NTAQ1: variants seen among roughly 807,000 people sequenced by gnomAD.
NTAQ1 encodes the protein N-terminal glutamine amidase 1.
A neutral mutation model predicts 28.2 loss-of-function variants in NTAQ1; 21 were observed. The observed-to-expected ratio is 0.74, with a 90% CI of 0.53 to 1.07. The LOEUF is 1.07. NTAQ1 is among the 50% of genes least tolerant of loss of function. The pLI, the probability that NTAQ1 is intolerant of heterozygous loss-of-function variation, is 0.00. For missense variants in NTAQ1, 264 were observed against 256.6 expected, an observed-to-expected ratio of 1.03 and a Z score of -0.20; for synonymous variants, 105 against 90.0, an observed-to-expected ratio of 1.17 and a Z score of -0.94.
intron 1 of NTAQ1, among the ~76,000 whole-genome samples, chr8:123,421,499 A>G (rs1439005757): frequency 6.9e-6 from 1 of 145,618 alleles, no homozygotes; most frequent in Non-Finnish European, 1.5e-5. Flanking sequence ...GGCCATGTGC[A>G]TGTCTCTTTT....
chr8:123,474,754 G>A (rs920979000), downstream of NTAQ1, among the ~76,000 whole-genome samples: 1 of 152,134 alleles, frequency 6.6e-6, no homozygotes, highest in Admixed American at 6.5e-5. Flanking sequence ...AAAAGTGGTG[G>A]TGTGCGCCTA....
chr8:123,447,072 A>G (rs1218001131), downstream of NTAQ1, among the ~76,000 whole-genome samples: 1 of 152,016 alleles, frequency 6.6e-6, no homozygotes, highest in Non-Finnish European at 1.5e-5. Flanking sequence ...AATAACCTTC[A>G]TTATCAGAAA....
At chr8:123,434,679 A>G (rs914772620) in intron 3 of NTAQ1, among the ~76,000 whole-genome samples, 2 of 152,114 alleles carry the variant, frequency 1.3e-5, no homozygotes, top group Non-Finnish European at 2.9e-5. Flanking sequence ...TAAGAGAGAA[A>G]CAGAATTTGG....
At chr8:123,450,822 C>G (rs973307749), downstream of NTAQ1, among the ~76,000 whole-genome samples, 2 of 152,198 alleles carry the variant, frequency 1.3e-5, no homozygotes, top group African/African-American at 2.4e-5. Context: ...ACAAAGCAGC[C>G]AAAGTGATCT....
chr8:123,438,444 T>C (rs983799735), intron 5 of NTAQ1, among the ~76,000 whole-genome samples: 1 of 151,716 alleles, frequency 6.6e-6, no homozygotes, highest in African/African-American at 2.4e-5. Flanking sequence ...CCACCTGAGG[T>C]CAGGAGTTCG....
At chr8:123,470,160 G>A (rs1276134189), downstream of NTAQ1, among the ~76,000 whole-genome samples, 1 of 152,196 alleles carries the variant, frequency 6.6e-6, no homozygotes, top group African/African-American at 2.4e-5. Context: ...TCCTCACTAG[G>A]AACTGAAGCC....
intron 6 of NTAQ1, among the ~76,000 whole-genome samples, chr8:123,447,526 C>T (rs1340290430): frequency 6.6e-6 from 1 of 151,872 alleles, no homozygotes; most frequent in Non-Finnish European, 1.5e-5. Flanking sequence ...ATTTTTAATC[C>T]CTATTTTACA....
intron 1 of NTAQ1, among the ~76,000 whole-genome samples, chr8:123,427,318 C>A (rs1362732475): frequency 8.5e-6 from 1 of 117,296 alleles, no homozygotes; most frequent in African/African-American, 3.3e-5. Context: ...GTGGTGTGAT[C>A]TTTGGCTCAC....
intron 3 of NTAQ1, 141 bp downstream of exon 3, chr8:123,430,174 G>T: frequency 2.0e-6 from 1 of 506,192 alleles, no homozygotes; most frequent in South Asian, 4.6e-5. Flanking sequence ...TTTGAGAATA[G>T]ATGTTATTTG....
downstream of NTAQ1, among the ~76,000 whole-genome samples, chr8:123,443,896 A>C (rs138862986): frequency 6.6e-6 from 1 of 152,140 alleles, no homozygotes. Context: ...TCTATGAGCC[A>C]GTGGATTCCT....
chr8:123,440,985 T>G (rs1051755419), intron 5 of NTAQ1, among the ~76,000 whole-genome samples: 2 of 152,162 alleles, frequency 1.3e-5, no homozygotes, highest in African/African-American at 4.8e-5. Context: ...CTTCTTTCCC[T>G]GGCCTCATGA....
At chr8:123,417,468 G>GGGCT (rs934033436) in intron 1 of NTAQ1, among the ~76,000 whole-genome samples, 16 of 152,112 alleles carry the variant, frequency 1.1e-4, no homozygotes, top group Non-Finnish European at 2.1e-4. Context: ...GAAGCACAGA[G>GGGCT]GGCTGCAAGT....
In NTAQ1 at chr8:123,437,228, T is replaced by G. The variant is rs373657547; in HGVS notation, c.402T>G (p.Arg134=). ...PQFRRKFRVI[R]ADSYLKNFAS... ...TCTGCAGGAAATTTAGAGTGATCCG[T>G]GCAGATTCATATTTGAAGAACTTTG... is the stretch of plus-strand genomic sequence containing the variant. Residue 134 remains arginine (R), a synonymous_variant, in exon 5 of 6, where the codon CGT becomes CGG. Transcript: ENST00000287387. 1.6e-5 allele frequency: 26 copies of G among 1,613,964 alleles called. No homozygotes were observed. Among genetic ancestry groups the G allele is most frequent in the Non-Finnish European group, 2.2e-5 (26 of 1,179,994 alleles).
At position 123,424,489 on chromosome 8, in the gene NTAQ1, G is replaced by T. The variant is rs956775351; in HGVS notation, c.84-3435G>T. Among the ~76,000 whole-genome samples, 4 of 152,146 alleles carry T rather than the reference G, an allele frequency of 2.6e-5. No homozygotes were observed. The Middle Eastern group carries it at 0.01, about 388-fold the overall frequency. ...GAACGCCTGACCTCATGATCCACCC[G>T]CTTCGGCCTCCCAGAGTGCTGGGAT... is the stretch of plus-strand genomic sequence containing the variant. On this transcript the variant is annotated intron_variant, in intron 1 of 5. Coordinates refer to ENST00000287387, the MANE Select transcript of NTAQ1 (RefSeq NM_018024.3).
At chr8:123,448,107 A>G (rs756756383), downstream of NTAQ1, 2 of 152,264 alleles carry the variant, frequency 1.3e-5, no homozygotes, top group Non-Finnish European at 2.9e-5. Flanking sequence ...AAGAGCCACC[A>G]TCAGCCTGGA....
chr8:123,451,369 C>T (rs1474024801), downstream of NTAQ1, among the ~76,000 whole-genome samples: 1 of 152,144 alleles, frequency 6.6e-6, no homozygotes, highest in African/African-American at 2.4e-5. Flanking sequence ...GATGGAGTCT[C>T]ACTCGGTCAC....
chr8:123,423,099 CT>C (rs1813810049), intron 1 of NTAQ1, among the ~76,000 whole-genome samples: 1 of 152,114 alleles, frequency 6.6e-6, no homozygotes, highest in Non-Finnish European at 1.5e-5. Context: ...CAGCTTTGTT[CT>C]TTTTGCTTAG....
chr8:123,417,316 A>T (rs958620894), intron 1 of NTAQ1, among the ~76,000 whole-genome samples: 1 of 152,082 alleles, frequency 6.6e-6, no homozygotes, highest in African/African-American at 2.4e-5. Context: ...TTGTAAGAGA[A>T]TGAAGGCACG....
At chr8:123,443,298 G>A (rs1815148286), downstream of NTAQ1, among the ~76,000 whole-genome samples, 1 of 152,158 alleles carries the variant, frequency 6.6e-6, no homozygotes, top group African/African-American at 2.4e-5. Context: ...GGGATTACAG[G>A]CATGAGCCAC....
Sources: allele counts gnomAD v4.1 joint callset (sites outside exome capture counted in the v4.1 genomes callset), GRCh38; gene constraint gnomAD v4.1.1; transcripts MANE v1.5; gene names NCBI Gene and HGNC (gene_info 2026-07-23, HGNC 2026-07-21).